STKLD1: variants seen among roughly 807,000 people sequenced by gnomAD.
The protein encoded by STKLD1 is serine/threonine kinase-like domain-containing protein STKLD1.
A neutral mutation model predicts 80.4 loss-of-function variants in STKLD1; 79 were observed. The observed-to-expected ratio is 0.98, with a 90% CI of 0.82 to 1.19. The LOEUF (loss-of-function observed/expected upper bound fraction) is 1.19. Ranked by LOEUF, STKLD1 falls within the 50% of genes most tolerant of loss-of-function variation. The pLI is 0.00. For synonymous variants in STKLD1, 393 were observed against 357.6 expected, an observed-to-expected ratio of 1.10 and a Z score of -1.12; for missense variants, 841 against 856.0, an observed-to-expected ratio of 0.98 and a Z score of 0.22.
intron 5 of STKLD1, among the ~76,000 whole-genome samples, chr9:133,388,559 T>G (rs1487458009): frequency 6.6e-6 from 1 of 152,208 alleles, no homozygotes; most frequent in Non-Finnish European, 1.5e-5. Context: ...TTCACTTTCT[T>G]AATGATGTCT....
At chr9:133,377,132 T>G (rs1180477644) in intron 1 of STKLD1, among the ~76,000 whole-genome samples, 1 of 152,184 alleles carries the variant, frequency 6.6e-6, no homozygotes, top group East Asian at 1.9e-4. Flanking sequence ...GAATTGTCTT[T>G]GTGTGAGAGG....
In STKLD1 at chr9:133,390,850, G is replaced by A. The variant is rs2130287726; in HGVS notation, c.583+54G>A. 127,324 of 1,429,092 alleles carry A rather than the reference G, an allele frequency of 0.089. 6,638 individuals carry two copies. The highest frequency in any genetic ancestry group is 0.22 in the African/African-American group (15,677 of 71,354). 88.5% of individuals were successfully genotyped at this position (1,429,092 alleles called of 1,614,324 possible). On this transcript the variant is annotated intron_variant, in intron 7 of 17. Coordinates refer to ENST00000371957, the MANE Select transcript of STKLD1 (RefSeq NM_153710.5). The surrounding 1 kb of genome is among the most constrained non-coding windows in gnomAD (Gnocchi z 5.1). Reference sequence around the variant, plus strand: ...GAGGGGGTTGGCGCCTAGAATCCAGGCGGCGTTGGCCACTCTGGGTGCTGG... The same window carrying A: ...GAGGGGGTTGGCGCCTAGAATCCAGACGGCGTTGGCCACTCTGGGTGCTGG...
chr9:133,403,115 T>G, intron 14 of STKLD1, 103 bp downstream of exon 14: 1 of 1,213,192 alleles, frequency 8.2e-7, no homozygotes, highest in Admixed American at 2.9e-5. Context: ...GTCCTGTCCC[T>G]AAAACACAAC....
At chr9:133,383,184 A>C (rs1838181416) in intron 2 of STKLD1, among the ~76,000 whole-genome samples, 1 of 140,860 alleles carries the variant, frequency 7.1e-6, no homozygotes, top group African/African-American at 2.7e-5. Context: ...GATGATGGTG[A>C]TGATGGTGTG....
At chr9:133,379,157 G>A in intron 2 of STKLD1, 35 bp downstream of exon 2, 4 of 1,582,646 alleles carry the variant, frequency 2.5e-6, no homozygotes, top group Non-Finnish European at 3.5e-6. Flanking sequence ...CATGCCGGGT[G>A]GTTCTGTGAC....
chr9:133,381,071 C>T (rs2130264941), intron 2 of STKLD1, among the ~76,000 whole-genome samples: 12 of 150,416 alleles, frequency 8.0e-5, no homozygotes, highest in African/African-American at 2.7e-4. Context: ...TTTTGTTTAG[C>T]ATCCATGATT....
chr9:133,385,494 C>A lies in STKLD1; in HGVS notation c.220-123C>A. The A allele has an allele frequency of 1.0e-6, 1 of 965,664 alleles. No homozygotes were observed. The highest frequency in any genetic ancestry group is 1.6e-6 in the Non-Finnish European group (1 of 631,530). 59.8% of individuals were successfully genotyped at this position (965,664 alleles called of 1,614,324 possible). A position where few individuals can be genotyped will look rare whatever the true frequency, so the allele number is the denominator to read the frequency against. On this transcript the variant is annotated intron_variant, in intron 3 of 17. Coordinates refer to ENST00000371957, the MANE Select transcript of STKLD1 (RefSeq NM_153710.5). This position sits in a 1 kb window ranked among gnomAD's most constrained non-coding sequence, Gnocchi z 4.9. ...CCACCGTGCAGCTTCCCTGAGCCCA[C>A]TCCCTGGCCCAGCTCAGAGCCCGAG...
chr9:133,388,818 G>A, intron 5 of STKLD1: 1 of 985,396 alleles, frequency 1.0e-6, no homozygotes, highest in Non-Finnish European at 1.2e-6. Flanking sequence ...GGCTCTTCGG[G>A]GCACACAGCT....
intron 7 of STKLD1, among the ~76,000 whole-genome samples, chr9:133,392,539 A>C (rs1407336832): frequency 1.4e-5 from 2 of 138,532 alleles, no homozygotes; most frequent in Admixed American, 7.2e-5. Context: ...GGGTGAGTGG[A>C]TGGATGGATG....
At chr9:133,391,432 G>C (rs1357215153) in intron 7 of STKLD1, among the ~76,000 whole-genome samples, 5 of 151,656 alleles carry the variant, frequency 3.3e-5, no homozygotes, top group Non-Finnish European at 7.4e-5. Context: ...AAGGGGGAAA[G>C]GTGGGGAAAA....
Position 133,389,616 on chromosome 9 carries a change from T to G in STKLD1, c.467+20T>G, listed in dbSNP as rs1838338539. 6.2e-7 allele frequency: 1 copy of G among 1,612,760 alleles called. No individual in the cohort carries two copies. The highest frequency in any genetic ancestry group is 1.1e-5 in the South Asian group (1 of 91,022). On this transcript the variant is annotated intron_variant, in intron 6 of 17. Transcript: ENST00000371957. This position sits in a 1 kb window ranked among gnomAD's most constrained non-coding sequence, Gnocchi z 6.4. ...CCACAGGTAAGTGGGGCCCCTGACC[T>G]CTGCGGACTGGCTGGCTGCTTCGGG...
chr9:133,403,579 T>A, intron 14 of STKLD1, 121 bp from the exon 15 acceptor site: 1 of 1,315,000 alleles, frequency 7.6e-7, no homozygotes, highest in Non-Finnish European at 1.0e-6. Context: ...ACAGTTGACC[T>A]TTCCCACCCC....
intron 2 of STKLD1, among the ~76,000 whole-genome samples, chr9:133,382,709 G>A (rs587641540): frequency 6.7e-6 from 1 of 149,006 alleles, no homozygotes; most frequent in Non-Finnish European, 1.5e-5. Context: ...ATAATAGTGG[G>A]GATGGTGACA....
chr9:133,397,127 C>A (rs781979233), intron 9 of STKLD1, 37 bp from the exon 10 acceptor site: 10 of 1,612,400 alleles, frequency 6.2e-6, no homozygotes, highest in Non-Finnish European at 7.6e-6. Flanking sequence ...GCAGGGGGCG[C>A]TGCTGGGTTA....
At chr9:133,397,375 G>A (rs960107621) in intron 10 of STKLD1, 81 bp downstream of exon 10, 4 of 1,574,450 alleles carry the variant, frequency 2.5e-6, no homozygotes, top group Admixed American at 3.5e-5. Flanking sequence ...AGTTCCAGAG[G>A]GTTCATTATT....
intron 7 of STKLD1, among the ~76,000 whole-genome samples, chr9:133,391,722 A>T (rs963153175): frequency 4.6e-5 from 7 of 151,346 alleles, no homozygotes; most frequent in Admixed American, 2.0e-4. Context: ...GGACACAAAC[A>T]CTCTGCCTAG....
Position 133,394,765 on chromosome 9 carries a change from TGTGGGC to T in STKLD1, c.702+357_702+362del. On this transcript the variant is annotated intron_variant, in intron 8 of 17. Transcript: ENST00000371957. This position sits in a 1 kb window ranked among gnomAD's most constrained non-coding sequence, Gnocchi z 4.9. ...GGAGTTGCAAGCAACGGGAACCCAG[TGTGGGC>T]CTGAACACACCTGGCTGTCTCATGC... 1.1e-5 allele frequency: 3 copies of T among 285,334 alleles called. No individual in the cohort carries two copies. The highest frequency in any genetic ancestry group is 4.7e-5 in the South Asian group (1 of 21,232). 17.7% of individuals were successfully genotyped at this position (285,334 alleles called of 1,614,324 possible).
intron 9 of STKLD1, among the ~76,000 whole-genome samples, chr9:133,396,710 T>C (rs1246497417): frequency 6.6e-6 from 1 of 151,972 alleles, no homozygotes; most frequent in Non-Finnish European, 1.5e-5. Context: ...TGAGCCGAGA[T>C]TGTGCCACTG....
chr9:133,384,307 G>C lies in STKLD1; in HGVS notation c.219+407G>C, dbSNP rs2130272460. ...TACAAAAAAATTAGCTGGGCATGGTGGTGGGCACCTGTAATCCCAGCTACT... is the reference window on the plus strand; with the variant it reads ...TACAAAAAAATTAGCTGGGCATGGTCGTGGGCACCTGTAATCCCAGCTACT... On this transcript the variant is annotated intron_variant, in intron 3 of 17. Coordinates refer to ENST00000371957, the MANE Select transcript of STKLD1 (RefSeq NM_153710.5). This position sits in a 1 kb window ranked among gnomAD's most constrained non-coding sequence, Gnocchi z 4.3. 9 of 179,074 alleles carry C rather than the reference G, an allele frequency of 5.0e-5. No individual in the cohort carries two copies. The highest frequency in any genetic ancestry group is 1.1e-4 in the Non-Finnish European group (9 of 83,058). 11.1% of individuals were successfully genotyped at this position (179,074 alleles called of 1,614,324 possible). A position where few individuals can be genotyped will look rare whatever the true frequency, so the allele number is the denominator to read the frequency against.
Sources: allele counts gnomAD v4.1 joint callset (sites outside exome capture counted in the v4.1 genomes callset), GRCh38; gene constraint gnomAD v4.1.1; non-coding constraint Gnocchi (gnomAD v3.1); transcripts MANE v1.5; gene names NCBI Gene and HGNC (gene_info 2026-07-23, HGNC 2026-07-21).